Variants in GPRIN3 observed in about 807,000 individuals in gnomAD.
GPRIN3 encodes the protein GPRIN family member 3.
GPRIN3 carries 12 observed loss-of-function variants against 13.7 expected under a neutral mutation model. The observed-to-expected ratio is 0.87, with a 90% CI of 0.56 to 1.42. The LOEUF (loss-of-function observed/expected upper bound fraction) is 1.42, where lower values mean the gene tolerates loss of function less well. GPRIN3 is among the 40% of genes most tolerant of loss of function. The pLI is 0.00. For synonymous variants in GPRIN3, 377 were observed against 372.7 expected, an observed-to-expected ratio of 1.01 and a Z score of -0.13; for missense variants, 1,009 against 958.7, an observed-to-expected ratio of 1.05 and a Z score of -0.69.
intron 1 of GPRIN3, 37 bp from the exon 2 acceptor site, chr4:89,250,270 G>A (rs958706207): frequency 3.2e-5 from 43 of 1,357,368 alleles, no homozygotes; most frequent in East Asian, 3.0e-4. Context: ...AATACAGTAC[G>A]TCGCTTAAGG....
chr4:89,280,618 A>G (rs1724219369), intron 1 of GPRIN3, among the ~76,000 whole-genome samples: 1 of 152,214 alleles, frequency 6.6e-6, no homozygotes. Flanking sequence ...ATTCAGGTCC[A>G]CCTAGAACCG....
Position 89,236,728 on chromosome 4 carries a change from C to T in GPRIN3, c.*11052G>A, listed in dbSNP as rs1390430167. On this transcript the variant is annotated 3_prime_UTR_variant, in exon 2 of 2. Coordinates refer to ENST00000609438, the MANE Select transcript of GPRIN3 (RefSeq NM_198281.3). ...CGAAGCTGAGATTTGAACCCAGGGT[C>T]CTTTGATTCCAAGCCCAGATATTTA... is the stretch of plus-strand genomic sequence containing the variant. 6.6e-6 allele frequency: 1 copy of T among 152,058 alleles called. No homozygotes were observed. Among genetic ancestry groups the T allele is most frequent in the Non-Finnish European group, 1.5e-5 (1 of 68,012 alleles). 9.4% of individuals were successfully genotyped at this position (152,058 alleles called of 1,614,324 possible).
At chr4:89,251,800 A>T (rs1723335397) in intron 1 of GPRIN3, among the ~76,000 whole-genome samples, 1 of 152,208 alleles carries the variant, frequency 6.6e-6, no homozygotes, top group African/African-American at 2.4e-5. Context: ...TGATTACATA[A>T]ATTCTAAAAA....
At chr4:89,287,981 A>C (rs1002092032) in intron 1 of GPRIN3, among the ~76,000 whole-genome samples, 1 of 152,158 alleles carries the variant, frequency 6.6e-6, no homozygotes, top group Admixed American at 6.5e-5. Context: ...TGACCAAAAA[A>C]ATTCTTTTCA....
chr4:89,257,550 T>A (rs1245158792), intron 1 of GPRIN3, among the ~76,000 whole-genome samples: 1 of 152,204 alleles, frequency 6.6e-6, no homozygotes, highest in Non-Finnish European at 1.5e-5. Context: ...ATAAGGATGG[T>A]CTTACTATGT....
chr4:89,242,569 A>C lies in GPRIN3; in HGVS notation c.*5211T>G, dbSNP rs558177312. 2 of 152,252 alleles carry C rather than the reference A, an allele frequency of 1.3e-5. No individual in the cohort carries two copies. The highest frequency in any genetic ancestry group is 4.1e-4 in the South Asian group (2 of 4,820). The allele number at this position is 152,252 out of a possible 1,614,324, so 9.4% of individuals were successfully genotyped here. ...CTCATTAGTGCTGTACCTCTTTATG[A>C]AGCTTCTAAACAAGTTTTTCCAGGA... On this transcript the variant is annotated 3_prime_UTR_variant, in exon 2 of 2. Transcript: ENST00000609438.
At chr4:89,297,461 G>A (rs909058377) in intron 1 of GPRIN3, among the ~76,000 whole-genome samples, 2 of 152,094 alleles carry the variant, frequency 1.3e-5, no homozygotes, top group Non-Finnish European at 2.9e-5. Context: ...CATGTGTTTA[G>A]TTGGTCTTTC....
intron 1 of GPRIN3, among the ~76,000 whole-genome samples, chr4:89,302,318 T>C (rs1301729795): frequency 6.6e-6 from 1 of 152,190 alleles, no homozygotes; most frequent in Non-Finnish European, 1.5e-5. Context: ...ATTTTTAGCT[T>C]CAGCTCTATT....
rs1366119099 is a variant in GPRIN3 at position 89,237,301 on chromosome 4, T to TG, written c.*10478dup. 1 of 152,140 alleles carries TG rather than the reference T, an allele frequency of 6.6e-6. No homozygotes were observed. Among genetic ancestry groups the TG allele is most frequent in the Non-Finnish European group, 1.5e-5 (1 of 68,030 alleles). The allele number at this position is 152,140 out of a possible 1,614,324, so 9.4% of individuals were successfully genotyped here. On this transcript the variant is annotated 3_prime_UTR_variant, in exon 2 of 2. Transcript: ENST00000609438. ...CAATTAGCTCAGTGGTTGTGTAGAA[T>TG]GGTGTTGAAGAAAATTTAATAATGG...
chr4:89,271,427 T>A (rs940091534), intron 1 of GPRIN3, among the ~76,000 whole-genome samples: 1 of 152,152 alleles, frequency 6.6e-6, no homozygotes, highest in Non-Finnish European at 1.5e-5. Context: ...AATCCACGGA[T>A]GCTCAAGCCC....
intron 1 of GPRIN3, among the ~76,000 whole-genome samples, chr4:89,307,357 A>G (rs908598442): frequency 6.6e-6 from 1 of 151,992 alleles, no homozygotes; most frequent in South Asian, 2.1e-4. Flanking sequence ...TTCCCTGCCC[A>G]CGATCAGCAG....
At chr4:89,298,979 T>C (rs1724816958) in intron 1 of GPRIN3, among the ~76,000 whole-genome samples, 1 of 152,128 alleles carries the variant, frequency 6.6e-6, no homozygotes, top group African/African-American at 2.4e-5. Flanking sequence ...TCATTATAGT[T>C]CTAAACATCA....
intron 1 of GPRIN3, among the ~76,000 whole-genome samples, chr4:89,253,957 C>T (rs1326716306): frequency 1.3e-5 from 2 of 152,206 alleles, no homozygotes; most frequent in African/African-American, 4.8e-5. Context: ...TCAGGCAAAT[C>T]GAACATTTAA....
chr4:89,297,160 T>C (rs1346946), intron 1 of GPRIN3, among the ~76,000 whole-genome samples: 94,283 of 152,036 alleles, frequency 0.62, 29,522 homozygotes, highest in Non-Finnish European at 0.66. Context: ...TATTAATGTG[T>C]TATTATTTAG....
rs1723116211 is a variant in GPRIN3, at chr4:89,246,883, T to G, written c.*897A>C. 1 of 152,226 alleles carries G rather than the reference T, an allele frequency of 6.6e-6. No homozygotes were observed. The highest frequency in any genetic ancestry group is 1.5e-5 in the Non-Finnish European group (1 of 68,038). The allele number at this position is 152,226 out of a possible 1,614,324, so 9.4% of individuals were successfully genotyped here. A position where few individuals can be genotyped will look rare whatever the true frequency, so the allele number is the denominator to read the frequency against. On this transcript the variant is annotated 3_prime_UTR_variant, in exon 2 of 2. Coordinates refer to ENST00000609438, the MANE Select transcript of GPRIN3 (RefSeq NM_198281.3). The stretch of plus-strand genomic sequence containing the variant: ...GTTCCTGACCAGAACCTTAGCATTC[T>G]CAGTAGAATATCACTGGAGAACACC...
At chr4:89,278,417 C>T (rs1035792206) in intron 1 of GPRIN3, among the ~76,000 whole-genome samples, 23 of 152,214 alleles carry the variant, frequency 1.5e-4, no homozygotes, top group African/African-American at 5.5e-4. Context: ...TTAAATTCTC[C>T]TTCTTTTTCC....
At chr4:89,250,769 G>GAAGAA (rs1319945236) in intron 1 of GPRIN3, 3 of 152,090 alleles carry the variant, frequency 2.0e-5, no homozygotes, top group African/African-American at 7.2e-5. Context: ...CATGCATCTG[G>GAAGAA]AAGAAAAGAA....
At chr4:89,264,472 C>T (rs1227960037) in intron 1 of GPRIN3, among the ~76,000 whole-genome samples, 1 of 152,184 alleles carries the variant, frequency 6.6e-6, no homozygotes, top group African/African-American at 2.4e-5. Context: ...TCCTTTATAA[C>T]AACACAAACA....
At chr4:89,269,180 A>C (rs1196450948) in intron 1 of GPRIN3, among the ~76,000 whole-genome samples, 1 of 152,174 alleles carries the variant, frequency 6.6e-6, no homozygotes, top group East Asian at 1.9e-4. Context: ...CTCTGGTACA[A>C]ATAATGTTTT....
Sources: gnomAD v4.1 joint callset for allele counts (sites outside exome capture counted in the v4.1 genomes callset) on GRCh38, gnomAD v4.1.1 for gene constraint, MANE v1.5 for transcripts, NCBI Gene and HGNC (gene_info 2026-07-23, HGNC 2026-07-21) for gene names.